XKR4: variants seen among roughly 807,000 people sequenced by gnomAD.
XKR4 encodes the protein XK related 4, also known as XK-related protein 4.
XKR4 carries 12 observed loss-of-function variants against 53.9 expected under a neutral mutation model. That is an observed-to-expected ratio of 0.22 (90% CI 0.14 to 0.36). The LOEUF is 0.36. Ranked by LOEUF, XKR4 falls within the 10% of genes least tolerant of loss-of-function variation. XKR4 has a pLI of 1.00. For missense variants in XKR4, 799 were observed against 859.5 expected (o/e 0.93, Z 0.88); for synonymous variants, 354 against 362.4 (o/e 0.98, Z 0.26).
chr8:55,312,085 T>A (rs1794864169), intron 1 of XKR4, among the ~76,000 whole-genome samples: 1 of 152,048 alleles, frequency 6.6e-6, no homozygotes, highest in Admixed American at 6.6e-5. Flanking sequence ...GCCATGAGGT[T>A]CTTGTGATTT....
At chr8:55,205,131 T>A (rs1290066774) in intron 1 of XKR4, among the ~76,000 whole-genome samples, 1 of 152,260 alleles carries the variant, frequency 6.6e-6, no homozygotes, top group Admixed American at 6.5e-5. Flanking sequence ...TGCTTTCTTA[T>A]ATTTACTAAA....
intron 1 of XKR4, among the ~76,000 whole-genome samples, chr8:55,292,593 C>T (rs1819045879): frequency 6.6e-6 from 1 of 152,048 alleles, no homozygotes; most frequent in African/African-American, 2.4e-5. Flanking sequence ...TTTCAAAAAA[C>T]AAGCAATTGG....
intron 2 of XKR4, among the ~76,000 whole-genome samples, chr8:55,401,556 C>A (rs553040674): frequency 6.6e-6 from 1 of 152,330 alleles, no homozygotes; most frequent in South Asian, 2.1e-4. Context: ...ACCTGCAGAA[C>A]CTCCTTGGGG....
At chr8:55,493,231 A>T (rs1367189138) in intron 2 of XKR4, among the ~76,000 whole-genome samples, 1 of 152,206 alleles carries the variant, frequency 6.6e-6, no homozygotes, top group Non-Finnish European at 1.5e-5. Context: ...AAAGATGAGA[A>T]ACATCAGAAA....
chr8:55,474,476 A>C (rs1032906616), intron 2 of XKR4, among the ~76,000 whole-genome samples: 2 of 152,160 alleles, frequency 1.3e-5, no homozygotes, highest in Admixed American at 1.3e-4. Flanking sequence ...AAAAGAAAAA[A>C]GTATAAATAT....
rs984826220 is a variant in XKR4 at position 55,102,718 on chromosome 8, C to T, written c.230C>T (p.Ser77Leu). 1.2e-5 allele frequency: 14 copies of T among 1,152,296 alleles called. No homozygotes were observed. The highest frequency in any genetic ancestry group is 3.6e-4 in the Middle Eastern group (1 of 2,808). 71.4% of individuals were successfully genotyped at this position (1,152,296 alleles called of 1,614,324 possible). Residue 77 changes from serine to leucine, a missense_variant, in exon 1 of 3, where the codon TCG becomes TTG. Coordinates refer to ENST00000327381, the MANE Select transcript of XKR4 (RefSeq NM_052898.2). This position sits in a 1 kb window ranked among gnomAD's most constrained non-coding sequence, Gnocchi z 5.1. The part of the protein sequence containing the change: ...CCAGSGGSAG[S>L]GGSGGVAGPG... ...GCCGGGAGTGGCGGCTCCGCGGGCT[C>T]GGGCGGCTCCGGCGGCGTCGCCGGC...
intron 1 of XKR4, among the ~76,000 whole-genome samples, chr8:55,280,504 A>T (rs552355208): frequency 1.3e-5 from 2 of 152,332 alleles, no homozygotes; most frequent in East Asian, 1.9e-4. Context: ...TCCTATGTGC[A>T]TCTATCCCCC....
intron 1 of XKR4, among the ~76,000 whole-genome samples, chr8:55,174,372 G>GT (rs1021408332): frequency 2.2e-4 from 34 of 152,254 alleles, no homozygotes; most frequent in Non-Finnish European, 4.6e-4. Context: ...GAGTATAGCT[G>GT]TTTTTTCTGC....
At chr8:55,103,851 G>GTGTATGTATA (rs1187141027) in intron 1 of XKR4, among the ~76,000 whole-genome samples, 1 of 106,018 alleles carries the variant, frequency 9.4e-6, no homozygotes, top group Admixed American at 9.8e-5. Context: ...AAATGACTTT[G>GTGTATGTATA]TATATATATA....
intron 1 of XKR4, among the ~76,000 whole-genome samples, chr8:55,216,616 A>G (rs1817802957): frequency 6.6e-6 from 1 of 151,812 alleles, no homozygotes; most frequent in Non-Finnish European, 1.5e-5. Context: ...AATCCCAGCT[A>G]CTCGGGAGGC....
chr8:55,508,310 T>A (rs937927661), intron 2 of XKR4, among the ~76,000 whole-genome samples: 7 of 152,192 alleles, frequency 4.6e-5, no homozygotes, highest in African/African-American at 1.7e-4. Flanking sequence ...TGTATTTTTT[T>A]ATCAGCAAAA....
intron 1 of XKR4, among the ~76,000 whole-genome samples, chr8:55,175,139 T>C (rs16921311): frequency 0.093 from 14,137 of 152,234 alleles, 1,798 homozygotes; most frequent in African/African-American, 0.28. Flanking sequence ...ATTTTGAAAC[T>C]TATCATCATT....
chr8:55,154,769 C>A (rs1293633513), intron 1 of XKR4, among the ~76,000 whole-genome samples: 1 of 152,056 alleles, frequency 6.6e-6, no homozygotes, highest in Non-Finnish European at 1.5e-5. Flanking sequence ...CTGCAAATAG[C>A]CTAAATTCAC....
rs1464821407 is a variant in XKR4 at position 55,286,089 on chromosome 8, T to C, written c.807-71589T>C. The stretch of plus-strand genomic sequence containing the variant: ...GGCTTGGGAACAGCAGTCACATTTG[T>C]TGCCAAGTAAAAGAAAGAATTCTCA... On this transcript the variant is annotated intron_variant, in intron 1 of 2. Transcript: ENST00000327381. Among the ~76,000 whole-genome samples, 3 of 152,186 alleles carry C rather than the reference T, an allele frequency of 2.0e-5. No individual in the cohort carries two copies. In the East Asian group the frequency reaches 5.8e-4, roughly 29 times the overall value.
intron 1 of XKR4, among the ~76,000 whole-genome samples, chr8:55,188,775 C>A (rs1817409565): frequency 6.6e-6 from 1 of 152,196 alleles, no homozygotes; most frequent in South Asian, 2.1e-4. Flanking sequence ...TGTTACTTAA[C>A]CCTGCTAAGC....
At chr8:55,486,614 G>C (rs1181331093) in intron 2 of XKR4, among the ~76,000 whole-genome samples, 1 of 152,218 alleles carries the variant, frequency 6.6e-6, no homozygotes, top group Non-Finnish European at 1.5e-5. Context: ...TTTGGCAGGA[G>C]AGATTTCTTG....
rs201871671 is a variant in XKR4 at position 55,289,677 on chromosome 8, G to GAAAGAAAGAA, written c.807-68000_807-67999insAAGAAAGAAA. Among the ~76,000 whole-genome samples, 482 of 125,096 alleles carry GAAAGAAAGAA rather than the reference G, an allele frequency of 3.9e-3. 13 individuals carry two copies. The highest frequency in any genetic ancestry group is 0.014 in the African/African-American group (442 of 30,626). 82.1% of individuals were successfully genotyped at this position (125,096 alleles called of 152,430 possible). A position where few individuals can be genotyped will look rare whatever the true frequency, so the allele number is the denominator to read the frequency against. ...AGGAAGGAAAAGAAAAGAAAAGAAAGAGAAAGAAAGAAAGAAAGAGAAAGA... is the reference window on the plus strand; with the variant it reads ...AGGAAGGAAAAGAAAAGAAAAGAAAGAAAGAAAGAAAGAAAGAAAGAAAGAAAGAGAAAGA... On this transcript the variant is annotated intron_variant, in intron 1 of 2. Transcript: ENST00000327381.
chr8:55,137,642 C>T (rs910444904), intron 1 of XKR4, among the ~76,000 whole-genome samples: 5 of 150,042 alleles, frequency 3.3e-5, no homozygotes, highest in African/African-American at 1.2e-4. Context: ...TGGCACACTG[C>T]AGTCTCAAAC....
intron 2 of XKR4, among the ~76,000 whole-genome samples, chr8:55,419,049 C>T (rs111965862): frequency 0.018 from 2,690 of 152,194 alleles, 30 homozygotes; most frequent in Middle Eastern, 0.037. Flanking sequence ...TTACTTACAG[C>T]GGTGTCTGAC....
Sources: allele counts gnomAD v4.1 joint callset (sites outside exome capture counted in the v4.1 genomes callset), GRCh38; gene constraint gnomAD v4.1.1; non-coding constraint Gnocchi (gnomAD v3.1); transcripts MANE v1.5; gene names NCBI Gene and HGNC (gene_info 2026-07-23, HGNC 2026-07-21).